Variants in LIX1 observed in about 807,000 individuals in gnomAD.
LIX1 encodes the protein limb and CNS expressed 1.
LIX1 carries 24 observed loss-of-function variants against 33.4 expected under a neutral mutation model. That is an observed-to-expected ratio of 0.72 (90% confidence interval 0.52 to 1.01). The LOEUF is 1.01. LIX1 is among the 50% of genes least tolerant of loss of function. The pLI is 0.00. For synonymous variants in LIX1, 124 were observed against 124.0 expected (o/e 1.00, Z 0.00); for missense variants, 311 against 339.2 (o/e 0.92, Z 0.65).
At chr5:97,126,807 T>C (rs541784193) in intron 1 of LIX1, among the ~76,000 whole-genome samples, 13 of 151,758 alleles carry the variant, frequency 8.6e-5, no homozygotes, top group Non-Finnish European at 1.3e-4. Context: ...GCCCAGCTAA[T>C]TTTTTTGTAT....
chr5:97,106,958 C>T (rs937264374), intron 3 of LIX1, among the ~76,000 whole-genome samples: 2 of 152,158 alleles, frequency 1.3e-5, no homozygotes, highest in Non-Finnish European at 2.9e-5. Flanking sequence ...CCAGTAAACA[C>T]TTCAGATGAT....
chr5:97,113,149 C>T lies in LIX1; in HGVS notation c.247-5649G>A, dbSNP rs573596787. 2.6e-5 allele frequency among the ~76,000 whole-genome samples: 4 copies of T among 152,308 alleles called. No individual in the cohort carries two copies. The East Asian group carries it at 7.7e-4, about 29-fold the overall frequency. ...CAGTCCCAAGGAAAGGCATACATGGCAGATAACTAAAGCCTTCTGCCAGCA... is the reference window on the plus strand; with the variant it reads ...CAGTCCCAAGGAAAGGCATACATGGTAGATAACTAAAGCCTTCTGCCAGCA... On this transcript the variant is annotated intron_variant, in intron 2 of 5. Coordinates refer to ENST00000274382, the MANE Select transcript of LIX1 (RefSeq NM_153234.5).
intron 2 of LIX1, among the ~76,000 whole-genome samples, chr5:97,113,074 A>T (rs1747493216): frequency 6.6e-6 from 1 of 152,238 alleles, no homozygotes; most frequent in Non-Finnish European, 1.5e-5. Context: ...GAGAAGTGGA[A>T]CCAAGAGGAA....
At chr5:97,120,997 G>T (rs1263807785) in intron 2 of LIX1, among the ~76,000 whole-genome samples, 1 of 152,016 alleles carries the variant, frequency 6.6e-6, no homozygotes, top group African/African-American at 2.4e-5. Context: ...GCTTAGTGTG[G>T]TGTGTCTTTT....
At chr5:97,129,034 T>C (rs1747995972) in intron 1 of LIX1, among the ~76,000 whole-genome samples, 1 of 152,188 alleles carries the variant, frequency 6.6e-6, no homozygotes, top group Admixed American at 6.5e-5. Context: ...TGGCAAGGCA[T>C]AGAAGACCCT....
chr5:97,120,635 T>C (rs149999998), intron 2 of LIX1, among the ~76,000 whole-genome samples: 1 of 152,076 alleles, frequency 6.6e-6, no homozygotes. Flanking sequence ...AATGTGAGTA[T>C]GGGAATGGTT....
Position 97,094,757 on chromosome 5 carries a change from GC to G in LIX1, c.839del (p.Gly280AlafsTer99). On this transcript the variant is annotated frameshift_variant, in exon 6 of 6. Coordinates refer to ENST00000274382, the MANE Select transcript of LIX1 (RefSeq NM_153234.5). LOFTEE classifies it high-confidence loss of function. The stretch of plus-strand genomic sequence containing the variant: ...CCGGGGCTTGGCCTTGCTAGTGATA[GC>G]CACACAGGGCCGTAAGGCTCAGCTG... Reference protein sequence around the residue: ...DDQLSLTALCGYH With the variant: ...DDQLSLTALCXYH 3 of 1,613,344 alleles carry G rather than the reference GC, an allele frequency of 1.9e-6. No individual in the cohort carries two copies. Among genetic ancestry groups the G allele is most frequent in the Non-Finnish European group, 2.5e-6 (3 of 1,179,400 alleles).
intron 1 of LIX1, among the ~76,000 whole-genome samples, chr5:97,141,670 C>A (rs1215821888): frequency 1.3e-5 from 2 of 152,060 alleles, no homozygotes; most frequent in South Asian, 4.1e-4. Context: ...AAAAAAATTC[C>A]ATATGCATTT....
At chr5:97,103,921 G>C (rs1376357612) in intron 4 of LIX1, among the ~76,000 whole-genome samples, 4 of 149,588 alleles carry the variant, frequency 2.7e-5, no homozygotes, top group East Asian at 3.9e-4. Flanking sequence ...GCCAAGATCA[G>C]GCCACTGCAC....
At chr5:97,096,753 A>G in intron 5 of LIX1, 57 bp downstream of exon 5, 1 of 1,207,106 alleles carries the variant, frequency 8.3e-7, no homozygotes, top group Non-Finnish European at 1.2e-6. Context: ...TGGGAAGATG[A>G]TAAGCCACCT....
intron 1 of LIX1, among the ~76,000 whole-genome samples, chr5:97,138,249 C>A (rs924972199): frequency 3.3e-5 from 5 of 152,218 alleles, no homozygotes; most frequent in Non-Finnish European, 2.9e-5. Flanking sequence ...GAAACCAACT[C>A]ATTCTCATGG....
rs768652439 is a variant in LIX1 at position 97,124,492 on chromosome 5, CT to C, written c.219del (p.Gly75GlufsTer11). The C allele has an allele frequency of 4.4e-6, 7 of 1,607,742 alleles. No homozygotes were observed. Among genetic ancestry groups the C allele is most frequent in the Admixed American group, 3.4e-5 (2 of 59,432 alleles). On this transcript the variant is annotated frameshift_variant, in exon 2 of 6. Transcript: ENST00000274382. LOFTEE classifies it high-confidence loss of function. The stretch of plus-strand genomic sequence containing the variant: ...TGAAAGTTGCCAAAACAGCTTCCCC[CT>C]GGGAGGGTCACGTAACTCACAAAGG... ...GPPFVSYVTLPGGSCFGNFQC... is the reference protein window; with the variant it reads ...GPPFVSYVTLXGGSCFGNFQC...
chr5:97,114,035 A>G (rs552731383), intron 2 of LIX1, among the ~76,000 whole-genome samples: 1 of 152,328 alleles, frequency 6.6e-6, no homozygotes, highest in East Asian at 1.9e-4. Context: ...AGAAAGGCCA[A>G]CTGCGACTAG....
chr5:97,117,647 C>T (rs1159546727), intron 2 of LIX1, among the ~76,000 whole-genome samples: 1 of 152,156 alleles, frequency 6.6e-6, no homozygotes, highest in Non-Finnish European at 1.5e-5. Context: ...ATTAAGTTTG[C>T]TTACTGCCTT....
At chr5:97,131,497 T>C (rs182561900) in intron 1 of LIX1, among the ~76,000 whole-genome samples, 1 of 152,340 alleles carries the variant, frequency 6.6e-6, no homozygotes, top group East Asian at 1.9e-4. Flanking sequence ...CCTGGCTAAA[T>C]GTATCCAGTC....
intron 2 of LIX1, among the ~76,000 whole-genome samples, chr5:97,110,230 A>C (rs889277098): frequency 6.6e-6 from 1 of 152,230 alleles, no homozygotes; most frequent in South Asian, 2.1e-4. Context: ...ATGCTTGTAC[A>C]TGGTGAGTGT....
At chr5:97,095,116 C>T (rs1231802956) in intron 5 of LIX1, 81 bp from the exon 6 acceptor site, 4 of 1,319,234 alleles carry the variant, frequency 3.0e-6, no homozygotes, top group African/African-American at 2.9e-5. Flanking sequence ...CTGCTTCCCA[C>T]ATCCATTAGG....
intron 2 of LIX1, among the ~76,000 whole-genome samples, chr5:97,117,708 T>C (rs1747671424): frequency 6.6e-6 from 1 of 152,206 alleles, no homozygotes; most frequent in Non-Finnish European, 1.5e-5. Context: ...TGTTTAAGGC[T>C]GTATGCTCCT....
intron 2 of LIX1, among the ~76,000 whole-genome samples, chr5:97,109,736 A>AC (rs1478435005): frequency 6.7e-6 from 1 of 150,074 alleles, no homozygotes; most frequent in Non-Finnish European, 1.5e-5. Context: ...TTTATCCCTC[A>AC]CCCCCCTCCC....
Sources: gnomAD v4.1 joint callset for allele counts (sites outside exome capture counted in the v4.1 genomes callset) on GRCh38, gnomAD v4.1.1 for gene constraint, MANE v1.5 for transcripts, NCBI Gene and HGNC (gene_info 2026-07-23, HGNC 2026-07-21) for gene names.